Variants in PCDHA13 observed in about 807,000 individuals in gnomAD.
PCDHA13 encodes protocadherin alpha-13.
PCDHA13 carries 54 observed loss-of-function variants against 64.8 expected under a neutral mutation model. The observed-to-expected ratio is 0.83, with a 90% CI of 0.67 to 1.04. PCDHA13 has a LOEUF of 1.04. Ranked by LOEUF, PCDHA13 falls within the 50% of genes least tolerant of loss-of-function variation. PCDHA13 has a pLI of 0.00. For synonymous variants in PCDHA13, 587 were observed against 564.4 expected (o/e 1.04, Z -0.57); for missense variants, 1,248 against 1,254.3 (o/e 0.99, Z 0.08).
chr5:140,994,911 A>C (rs527704488), intron 3 of PCDHA13, among the ~76,000 whole-genome samples: 4 of 152,222 alleles, frequency 2.6e-5, no homozygotes, highest in African/African-American at 9.6e-5. Flanking sequence ...TGTAGACTGG[A>C]ATCAGATTTT....
At chr5:140,966,463 TC>T in intron 1 of PCDHA13, 1 of 429,360 alleles carries the variant, frequency 2.3e-6, no homozygotes, top group Non-Finnish European at 4.0e-6. Flanking sequence ...CCCTCTGTCT[TC>T]CCTTCTGTTT....
intron 1 of PCDHA13, chr5:140,928,845 T>C: frequency 6.2e-7 from 1 of 1,614,180 alleles, no homozygotes; most frequent in Non-Finnish European, 8.5e-7. Flanking sequence ...CCTCTGTCAC[T>C]CTGGGTGTGC....
At position 140,904,654 on chromosome 5, in the gene PCDHA13, G is replaced by C. The variant is rs554492367; in HGVS notation, c.2394+19992G>C. On this transcript the variant is annotated intron_variant, in intron 1 of 3. Coordinates refer to ENST00000289272, the MANE Select transcript of PCDHA13 (RefSeq NM_018904.3). ...AGGAATCTCCACACTGTTTTCCATAGTGGTTGTACTAGTTTACATTCCCAC... is the reference window on the plus strand; with the variant it reads ...AGGAATCTCCACACTGTTTTCCATACTGGTTGTACTAGTTTACATTCCCAC... Among the ~76,000 whole-genome samples, 175 of 152,122 alleles carry C rather than the reference G, an allele frequency of 1.2e-3. 1 individual carries two copies. The highest frequency in any genetic ancestry group is 3.4e-3 in the Middle Eastern group (1 of 294).
intron 1 of PCDHA13, among the ~76,000 whole-genome samples, chr5:140,970,923 C>T (rs1009753173): frequency 1.3e-5 from 2 of 152,032 alleles, no homozygotes; most frequent in African/African-American, 4.8e-5. Flanking sequence ...ATCAGAAGTG[C>T]CTGGTGTTAG....
intron 3 of PCDHA13, among the ~76,000 whole-genome samples, chr5:140,983,261 CT>C (rs1240749572): frequency 7.9e-5 from 12 of 152,158 alleles, no homozygotes; most frequent in Admixed American, 7.9e-4. Context: ...TGTAAAAAAC[CT>C]AATGGCTGGG....
intron 1 of PCDHA13, chr5:140,968,436 C>T (rs1479503016): frequency 3.1e-6 from 5 of 1,613,876 alleles, no homozygotes; most frequent in Non-Finnish European, 3.4e-6. Context: ...AAGGGGAGCC[C>T]ACCACTGAGC....
intron 1 of PCDHA13, 90 bp downstream of exon 1, chr5:140,884,752 A>G (rs954313403): frequency 1.1e-5 from 16 of 1,429,736 alleles, no homozygotes; most frequent in East Asian, 2.5e-5. Context: ...CCAATTTCAA[A>G]TTATTCTTTA....
intron 2 of PCDHA13, 165 bp downstream of exon 2, chr5:140,979,172 G>A (rs1406119348): frequency 2.1e-6 from 2 of 959,890 alleles, no homozygotes; most frequent in Admixed American, 1.2e-4. Context: ...TTGAAAGATC[G>A]CAAATGGTCA....
Position 140,883,846 on chromosome 5 carries a change from G to A in PCDHA13, c.1578G>A (p.Glu526=), listed in dbSNP as rs782516685. The change falls in exon 1 of 4, where the codon GAG becomes GAA. Residue 526 remains glutamate (E), a synonymous_variant. Coordinates refer to ENST00000289272, the MANE Select transcript of PCDHA13 (RefSeq NM_018904.3). ...ACGCGCTGCAGCCGTTGGACCACGA[G>A]GAGCTGGAGCTGTTGCAGTTCCAGG... is the stretch of plus-strand genomic sequence containing the variant. ...KVYALQPLDH[E]ELELLQFQVS... The A allele has an allele frequency of 6.8e-6, 11 of 1,612,790 alleles. 1 individual carries two copies. In the Admixed American group the frequency reaches 1.7e-4, roughly 24 times the overall value.
intron 1 of PCDHA13, among the ~76,000 whole-genome samples, chr5:140,900,088 G>C (rs545975836): frequency 6.6e-6 from 1 of 152,240 alleles, no homozygotes; most frequent in African/African-American, 2.4e-5. Context: ...GCAGTTACAA[G>C]CATGCGCCAC....
chr5:140,961,736 T>C (rs1554225571), intron 1 of PCDHA13, among the ~76,000 whole-genome samples: 1 of 152,178 alleles, frequency 6.6e-6, no homozygotes. Context: ...ACAATCACTT[T>C]AGTAATATTA....
In PCDHA13 at chr5:140,883,418, C is replaced by T; in HGVS notation, c.1150C>T (p.Gln384Ter). Residue 384 changes from glutamine (Q) to a stop codon, truncating the protein, a stop_gained, in exon 1 of 4, where the codon CAG becomes TAG. Transcript: ENST00000289272. LOFTEE classifies it high-confidence loss of function. ...VSDRDSGSNG[Q>*]VTCTLTPHVP... ...CGATCGTGACTCTGGCTCAAATGGA[C>T]AGGTCACCTGCACCTTGACGCCGCA... The T allele has an allele frequency of 6.2e-7, 1 of 1,614,172 alleles. No individual in the cohort carries two copies. Among genetic ancestry groups the T allele is most frequent in the Non-Finnish European group, 8.5e-7 (1 of 1,180,034 alleles).
intron 1 of PCDHA13, among the ~76,000 whole-genome samples, chr5:140,942,962 A>G (rs2153660638): frequency 6.6e-6 from 1 of 152,216 alleles, no homozygotes; most frequent in South Asian, 2.1e-4. Flanking sequence ...CTGTTATCAG[A>G]ATTAAATTTT....
At chr5:140,970,331 T>C (rs1442466340) in intron 1 of PCDHA13, among the ~76,000 whole-genome samples, 1 of 152,210 alleles carries the variant, frequency 6.6e-6, no homozygotes, top group African/African-American at 2.4e-5. Context: ...TTCCAAAGCA[T>C]GCATTCATTT....
chr5:140,929,233 C>T (rs782744711), intron 1 of PCDHA13: 5 of 1,613,786 alleles, frequency 3.1e-6, no homozygotes, highest in Non-Finnish European at 8.5e-7. Flanking sequence ...TGCCGACCTG[C>T]GAAATCTTGC....
At position 140,883,572 on chromosome 5, in the gene PCDHA13, T is replaced by C; in HGVS notation, c.1304T>C (p.Leu435Pro). The C allele has an allele frequency of 6.2e-7, 1 of 1,614,098 alleles. No individual in the cohort carries two copies. The highest frequency in any genetic ancestry group is 8.5e-7 in the Non-Finnish European group (1 of 1,180,008). Residue 435 changes from leucine (L) to proline (P), a missense_variant, in exon 1 of 4, where the codon CTG becomes CCG. Coordinates refer to ENST00000289272, the MANE Select transcript of PCDHA13 (RefSeq NM_018904.3). ...VTARDGGSPS[L>P]WATASVSVGV... ...GCGCGGGACGGGGGCTCGCCTTCGC[T>C]GTGGGCCACGGCCAGCGTGTCGGTG...
At chr5:140,952,746 T>C (rs1554220596) in intron 1 of PCDHA13, among the ~76,000 whole-genome samples, 1 of 152,190 alleles carries the variant, frequency 6.6e-6, no homozygotes, top group Non-Finnish European at 1.5e-5. Context: ...CACACTGCTA[T>C]AAAAACACCT....
chr5:140,928,155 C>T, intron 1 of PCDHA13: 2 of 1,614,178 alleles, frequency 1.2e-6, no homozygotes, highest in Non-Finnish European at 1.7e-6. Flanking sequence ...CAGATAGTGG[C>T]TCACCCCCAC....
Position 140,884,603 on chromosome 5 carries a change from T to A in PCDHA13, c.2335T>A (p.Cys779Ser). 2.5e-6 allele frequency: 4 copies of A among 1,614,132 alleles called. No individual in the cohort carries two copies. The highest frequency in any genetic ancestry group is 3.4e-6 in the Non-Finnish European group (4 of 1,179,992). The change falls in exon 1 of 4, where the codon TGT becomes AGT. Residue 779 changes from cysteine to serine, a missense_variant. Coordinates refer to ENST00000289272, the MANE Select transcript of PCDHA13 (RefSeq NM_018904.3). ...LMAFSPSLPPCLGSAEGTGQR... is the reference protein window; with the variant it reads ...LMAFSPSLPPSLGSAEGTGQR... ...GGCCTTCAGTCCCAGCCTTCCTCCT[T>A]GTCTGGGTTCTGCAGAGGGAACAGG...
Sources: gnomAD v4.1 joint callset for allele counts (sites outside exome capture counted in the v4.1 genomes callset) on GRCh38, gnomAD v4.1.1 for gene constraint, MANE v1.5 for transcripts, NCBI Gene and HGNC (gene_info 2026-07-23, HGNC 2026-07-21) for gene names.